Variants in IARS2 observed in about 807,000 individuals in gnomAD.
IARS2 encodes isoleucyl-tRNA synthetase 2, mitochondrial, also known as isoleucine--tRNA ligase, mitochondrial.
IARS2 carries 56 observed loss-of-function variants against 126.3 expected under a neutral mutation model. The ratio of observed to expected loss-of-function variants is 0.44; its 90% CI spans 0.36 to 0.55. The LOEUF is 0.55. Ranked by LOEUF, IARS2 falls within the 20% of genes least tolerant of loss-of-function variation. IARS2 has a pLI of 0.00. For missense variants in IARS2, 1,127 were observed against 1,245.9 expected (o/e 0.90, Z 1.44); for synonymous variants, 407 against 441.1 (o/e 0.92, Z 0.97).
At chr1:220,126,924 ACT>A (rs1657167571) in intron 14 of IARS2, 81 bp downstream of exon 14, 2 of 980,534 alleles carry the variant, frequency 2.0e-6, no homozygotes, top group South Asian at 1.5e-5. Flanking sequence ...CTATAATCAA[ACT>A]CTTTTTCTGT....
At chr1:220,100,740 T>A in intron 3 of IARS2, 91 bp downstream of exon 3, 1 of 995,036 alleles carries the variant, frequency 1.0e-6, no homozygotes, top group Non-Finnish European at 1.5e-6. Context: ...ACCTTTTGTT[T>A]GGGTTTCGTT....
intron 11 of IARS2, among the ~76,000 whole-genome samples, chr1:220,113,771 A>G (rs1379041104): frequency 1.3e-5 from 2 of 151,980 alleles, no homozygotes; most frequent in Non-Finnish European, 2.9e-5. Context: ...CAGCCTACCA[A>G]AATGCTGGGA....
intron 13 of IARS2, among the ~76,000 whole-genome samples, chr1:220,126,118 A>AG (rs1657151395): frequency 6.6e-6 from 1 of 151,070 alleles, no homozygotes; most frequent in African/African-American, 2.4e-5. Context: ...AAAAAAAAAA[A>AG]AAAAAGAAAA....
intron 21 of IARS2, among the ~76,000 whole-genome samples, chr1:220,144,625 G>A (rs1657553936): frequency 6.6e-6 from 1 of 152,160 alleles, no homozygotes; most frequent in Non-Finnish European, 1.5e-5. Flanking sequence ...ACACAGCCTA[G>A]TCCTGGCCTT....
At chr1:220,108,732 T>A (rs1180156146) in intron 10 of IARS2, among the ~76,000 whole-genome samples, 1 of 151,876 alleles carries the variant, frequency 6.6e-6, no homozygotes, top group Non-Finnish European at 1.5e-5. Context: ...TTGGCCAGGC[T>A]GGTCTCAAAC....
At chr1:220,109,671 C>T (rs977443002) in intron 10 of IARS2, among the ~76,000 whole-genome samples, 1 of 152,166 alleles carries the variant, frequency 6.6e-6, no homozygotes, top group Non-Finnish European at 1.5e-5. Flanking sequence ...AATCTTCTTT[C>T]TATCCTCCTC....
intron 2 of IARS2, among the ~76,000 whole-genome samples, chr1:220,098,209 C>G (rs956521918): frequency 6.6e-6 from 1 of 152,184 alleles, no homozygotes; most frequent in African/African-American, 2.4e-5. Context: ...TCTTACAAAA[C>G]TATCTCTCAC....
intron 11 of IARS2, among the ~76,000 whole-genome samples, chr1:220,113,363 C>CCA (rs1656849763): frequency 6.6e-6 from 1 of 152,052 alleles, no homozygotes; most frequent in Admixed American, 6.6e-5. Context: ...TGGGAGGGGA[C>CCA]TTCTGGTAGT....
intron 1 of IARS2, among the ~76,000 whole-genome samples, chr1:220,095,695 C>T (rs937499831): frequency 3.3e-5 from 5 of 152,072 alleles, no homozygotes; most frequent in African/African-American, 7.2e-5. Context: ...CATGTTGTTC[C>T]CAGATTTGGG....
intron 8 of IARS2, among the ~76,000 whole-genome samples, chr1:220,105,322 T>G (rs892244103): frequency 2.6e-5 from 4 of 152,150 alleles, no homozygotes; most frequent in African/African-American, 9.7e-5. Context: ...AATCACAAGA[T>G]TTTTGAAAGT....
At chr1:220,140,089 A>G (rs917423828) in intron 18 of IARS2, 94 bp from the exon 19 acceptor site, 39 of 722,334 alleles carry the variant, frequency 5.4e-5, no homozygotes, top group Admixed American at 1.6e-4. Flanking sequence ...TCTCATTGAA[A>G]CATATTTTTG....
chr1:220,101,832 C>G lies in IARS2; in HGVS notation c.551-297C>G, dbSNP rs60531981. Among the ~76,000 whole-genome samples the G allele has an allele frequency of 0.14, 21,754 of 152,112 alleles. 1,992 individuals carry two copies. Among genetic ancestry groups the G allele is most frequent in the Admixed American group, 0.22 (3,325 of 15,266 alleles). ...TGGCTGACACAGTGAAACCCCGTCT[C>G]TACTAAAACTACAAAAAAATTAGCC... is the stretch of plus-strand genomic sequence containing the variant. On this transcript the variant is annotated intron_variant, in intron 3 of 22. Transcript: ENST00000366922.
At chr1:220,132,046 T>G (rs935462983) in intron 14 of IARS2, among the ~76,000 whole-genome samples, 20 of 152,154 alleles carry the variant, frequency 1.3e-4, no homozygotes, top group Admixed American at 1.1e-3. Context: ...TCCACCTGCC[T>G]TGGCCTCCCA....
At position 220,143,005 on chromosome 1, in the gene IARS2, G is replaced by A; in HGVS notation, c.2622G>A (p.Gly874=). 1 of 1,614,152 alleles carries A rather than the reference G, an allele frequency of 6.2e-7. No individual in the cohort carries two copies. The highest frequency in any genetic ancestry group is 8.5e-7 in the Non-Finnish European group (1 of 1,180,010). The change falls in exon 21 of 23, where the codon GGG becomes GGA. Residue 874 remains glycine (G), a synonymous_variant. Transcript: ENST00000366922. ...CTAGTTCTATCTGGAAAAAGCCCGG[G>A]TTGGAAGAAGCTGTGGAGAGTGCGT... ...ISTSSIWKKP[G]LEEAVESACA...
At chr1:220,137,838 A>G (rs1657409997) in intron 16 of IARS2, 80 bp from the exon 17 acceptor site, 3 of 1,495,404 alleles carry the variant, frequency 2.0e-6, no homozygotes, top group Non-Finnish European at 2.8e-6. Flanking sequence ...ATATCTGAAT[A>G]GGAGCTTTAC....
chr1:220,147,733 AAT>A lies in IARS2; in HGVS notation c.*99_*100del. On this transcript the variant is annotated 3_prime_UTR_variant, in exon 23 of 23. Coordinates refer to ENST00000366922, the MANE Select transcript of IARS2 (RefSeq NM_018060.4). ...TAGGAAAGAAAGCCAAGATTTAGGT[AAT>A]GAGTGGATGAGTAAATGGTGGAGGA... The A allele has an allele frequency of 8.0e-7, 1 of 1,247,454 alleles. No homozygotes were observed. The highest frequency in any genetic ancestry group is 1.1e-6 in the Non-Finnish European group (1 of 882,542). The allele number at this position is 1,247,454 out of a possible 1,614,324, so 77.3% of individuals were successfully genotyped here.
At chr1:220,126,055 C>T (rs763112684) in intron 13 of IARS2, among the ~76,000 whole-genome samples, 6 of 148,720 alleles carry the variant, frequency 4.0e-5, no homozygotes, top group East Asian at 3.9e-4. Context: ...TGCAGTGAGC[C>T]GAGATCGCAC....
At chr1:220,111,598 A>ATATATATATG (rs374024744) in intron 11 of IARS2, among the ~76,000 whole-genome samples, 8 of 134,836 alleles carry the variant, frequency 5.9e-5, no homozygotes, top group Non-Finnish European at 1.1e-4. Context: ...ATATATATAT[A>ATATATATATG]TGTGTGTGTG....
intron 7 of IARS2, 27 bp downstream of exon 7, chr1:220,102,804 T>G (rs751547113): frequency 4.3e-5 from 55 of 1,273,418 alleles, no homozygotes; most frequent in Non-Finnish European, 6.2e-5. Context: ...ATTTTTTGTT[T>G]TATACACAAA....
Sources: allele counts gnomAD v4.1 joint callset (sites outside exome capture counted in the v4.1 genomes callset), GRCh38; gene constraint gnomAD v4.1.1; transcripts MANE v1.5; gene names NCBI Gene and HGNC (gene_info 2026-07-23, HGNC 2026-07-21).